The following ACOT1 variants were observed in gnomAD, a reference collection of about 807,000 sequenced individuals.
The protein encoded by ACOT1 is acyl-CoA thioesterase 1.
A neutral mutation model predicts 15.7 loss-of-function variants in ACOT1; 8 were observed. The observed-to-expected ratio is 0.51, with a 90% CI of 0.30 to 0.92. The LOEUF (loss-of-function observed/expected upper bound fraction) is 0.92. Ranked by LOEUF, ACOT1 falls within the 40% of genes least tolerant of loss-of-function variation. The pLI is 0.06. For synonymous variants in ACOT1, 67 were observed against 241.2 expected, an observed-to-expected ratio of 0.28 and a Z score of 6.69; for missense variants, 151 against 539.4, an observed-to-expected ratio of 0.28 and a Z score of 7.13.
the ACOT1 span, among the ~76,000 whole-genome samples, chr14:73,499,843 C>G: frequency 6.6e-6 from 1 of 152,182 alleles, no homozygotes; most frequent in Non-Finnish European, 1.5e-5. Flanking sequence ...GAATCGAAGT[C>G]TGGGCTGGCT....
chr14:73,492,575 G>T, the ACOT1 span: 1 of 1,613,910 alleles, frequency 6.2e-7, no homozygotes, highest in Non-Finnish European at 8.5e-7. The surrounding 1 kb of genome is among the most constrained non-coding windows in gnomAD (Gnocchi z 4.9). Flanking sequence ...TAGGGAGAGG[G>T]CACTAAGTGT....
the ACOT1 span, chr14:73,503,068 C>T: frequency 7.2e-7 from 1 of 1,384,338 alleles, no homozygotes; most frequent in African/African-American, 1.4e-5. Context: ...TAATTTTGTG[C>T]TTGGCGTTGT....
At chr14:73,497,052 TGCC>T in the ACOT1 span, among the ~76,000 whole-genome samples, 1 of 152,190 alleles carries the variant, frequency 6.6e-6, no homozygotes, top group Non-Finnish European at 1.5e-5. Flanking sequence ...CGTGCCATCA[TGCC>T]CAGCTAGTTT....
rs1888977408 is a variant in ACOT1 at position 73,538,946 on chromosome 14, G to GTA, written c.457+1068_457+1069insTA. Among the ~76,000 whole-genome samples, 2 of 114,862 alleles carry GTA rather than the reference G, an allele frequency of 1.7e-5. 1 individual carries two copies. The highest frequency in any genetic ancestry group is 5.5e-4 in the South Asian group (2 of 3,650). 75.4% of individuals were successfully genotyped at this position (114,862 alleles called of 152,430 possible). On this transcript the variant is annotated intron_variant, in intron 1 of 2. Coordinates refer to ENST00000311148, the MANE Select transcript of ACOT1 (RefSeq NM_001037161.2). ...TCACGCCATTGTACTCCAGCCTGGG[G>GTA]GACAAGAGTGAAACTCCATCTAAAA... is the stretch of plus-strand genomic sequence containing the variant.
chr14:73,513,320 A>G, the ACOT1 span, among the ~76,000 whole-genome samples: 1 of 151,908 alleles, frequency 6.6e-6, no homozygotes, highest in African/African-American at 2.4e-5. Flanking sequence ...TTAGCCAGAC[A>G]TCATGGCACA....
chr14:73,512,065 G>T, the ACOT1 span: 1 of 1,614,164 alleles, frequency 6.2e-7, no homozygotes, highest in Admixed American at 1.7e-5. Flanking sequence ...GGCACATGTG[G>T]TGATAGCTTT....
At chr14:73,512,201 A>T in the ACOT1 span, 1 of 1,599,126 alleles carries the variant, frequency 6.3e-7, no homozygotes, top group South Asian at 1.1e-5. Context: ...AGGGTTAGAT[A>T]TTGTGCTGCA....
chr14:73,493,408 G>A, the ACOT1 span: 1 of 355,522 alleles, frequency 2.8e-6, no homozygotes. Context: ...CTTTCCTAAG[G>A]CTAGATTATT....
the ACOT1 span, among the ~76,000 whole-genome samples, chr14:73,509,866 A>G: frequency 1.5e-5 from 1 of 67,524 alleles, no homozygotes; most frequent in African/African-American, 6.3e-5. Flanking sequence ...ATATATATAT[A>G]TATTTATTTA....
upstream of ACOT1, among the ~76,000 whole-genome samples, chr14:73,532,502 G>A (rs1252661263): frequency 2.6e-5 from 3 of 115,724 alleles, no homozygotes; most frequent in African/African-American, 5.6e-5. Flanking sequence ...GCTCTGTCTC[G>A]TTGACCCAGC....
the ACOT1 span, chr14:73,517,183 G>C: frequency 1.3e-5 from 2 of 152,150 alleles, no homozygotes; most frequent in African/African-American, 4.8e-5. Flanking sequence ...CATCAGCCTC[G>C]CGAGTGGCTG....
the ACOT1 span, among the ~76,000 whole-genome samples, chr14:73,517,000 G>T: frequency 6.6e-6 from 1 of 152,156 alleles, no homozygotes; most frequent in Admixed American, 6.5e-5. Context: ...CTCTTGGCAG[G>T]GTACAGTGGC....
At chr14:73,522,886 G>T in the ACOT1 span, 1 of 1,614,192 alleles carries the variant, frequency 6.2e-7, no homozygotes, top group South Asian at 1.1e-5. Flanking sequence ...AGCTGTACTG[G>T]CTATAAGGAA....
chr14:73,513,777 GTCT>G, the ACOT1 span, among the ~76,000 whole-genome samples: 1 of 142,154 alleles, frequency 7.0e-6, no homozygotes, highest in Admixed American at 7.3e-5. Context: ...CCTCTGAAGA[GTCT>G]GCAGTGTAAT....
chr14:73,522,283 G>A, the ACOT1 span: 23 of 1,613,830 alleles, frequency 1.4e-5, no homozygotes, highest in East Asian at 4.5e-5. Context: ...TGTAGTAAAC[G>A]GGAAGCAGCA....
the ACOT1 span, chr14:73,492,119 G>T: frequency 6.2e-7 from 1 of 1,613,936 alleles, no homozygotes; most frequent in Non-Finnish European, 8.5e-7. This position sits in a 1 kb window ranked among gnomAD's most constrained non-coding sequence, Gnocchi z 4.9. Context: ...CCCAACCGAG[G>T]AACTGGCTCT....
chr14:73,536,980 GTT>G, upstream of ACOT1: 2 of 72,584 alleles, frequency 2.8e-5, no homozygotes, highest in Non-Finnish European at 3.1e-5. Flanking sequence ...CTGCCTGGTT[GTT>G]GTTGTTTTTT....
the ACOT1 span, chr14:73,503,026 A>G: frequency 6.3e-7 from 1 of 1,580,054 alleles, no homozygotes; most frequent in Non-Finnish European, 8.7e-7. Flanking sequence ...ATAAATAGGT[A>G]TGATCATTAG....
chr14:73,522,132 C>G, the ACOT1 span: 161 of 911,754 alleles, frequency 1.8e-4, no homozygotes, highest in Middle Eastern at 3.6e-4. Context: ...TTGCAGAGCT[C>G]TCAGAGAGCA....
Sources: allele counts gnomAD v4.1 joint callset (sites outside exome capture counted in the v4.1 genomes callset), GRCh38; gene constraint gnomAD v4.1.1; non-coding constraint Gnocchi (gnomAD v3.1); transcripts MANE v1.5; gene names NCBI Gene and HGNC (gene_info 2026-07-23, HGNC 2026-07-21).